The following TMEM50B variants were observed in gnomAD, a reference collection of about 807,000 sequenced individuals.
TMEM50B encodes the protein transmembrane protein 50B, also known as HCV p7-trans-regulated protein 3.
In TMEM50B, 14 loss-of-function variants were observed where a neutral mutation model predicts 23.4. The observed-to-expected ratio is 0.60, with a 90% CI of 0.39 to 0.93. TMEM50B has a LOEUF of 0.93. TMEM50B is among the 40% of genes least tolerant of loss of function. The pLI, the probability that TMEM50B is intolerant of heterozygous loss-of-function variation, is 0.00. For synonymous variants in TMEM50B, 64 were observed against 62.3 expected, an observed-to-expected ratio of 1.03 and a Z score of -0.13; for missense variants, 159 against 193.0, an observed-to-expected ratio of 0.82 and a Z score of 1.04.
intron 1 of TMEM50B, among the ~76,000 whole-genome samples, chr21:33,473,270 T>C (rs1195092190): frequency 1.3e-5 from 2 of 151,824 alleles, no homozygotes; most frequent in Non-Finnish European, 2.9e-5. Context: ...CTGGGCAACA[T>C]GGAGAAACCC....
rs200509930 is a variant in TMEM50B, at chr21:33,442,649, G to A, written c.*2037-3352C>T. Among the ~76,000 whole-genome samples the A allele has an allele frequency of 7.2e-5, 11 of 152,106 alleles. No homozygotes were observed. The East Asian group carries it at 1.7e-3, about 24-fold the overall frequency. On this transcript the variant is annotated intron_variant and NMD_transcript_variant, in intron 7 of 8. Coordinates refer to the TMEM50B transcript ENST00000420455. ...CATCAAATGATATGTGGCCAGGCGC[G>A]CTGGCTCATGCCTGTAATCCCAGCA...
intron 1 of TMEM50B, chr21:33,479,229 C>G (rs1327478695): frequency 6.1e-6 from 1 of 163,670 alleles, no homozygotes; most frequent in Admixed American, 6.2e-5. Flanking sequence ...TCTGCTGCTA[C>G]TTATTTAACG....
At chr21:33,468,175 A>C (rs1223361219) in intron 2 of TMEM50B, among the ~76,000 whole-genome samples, 4 of 150,912 alleles carry the variant, frequency 2.7e-5, no homozygotes, top group African/African-American at 9.7e-5. Flanking sequence ...GACACATGGG[A>C]TAAAGGAGGT....
chr21:33,478,685 C>G (rs751856418), intron 1 of TMEM50B: 3 of 450,098 alleles, frequency 6.7e-6, no homozygotes, highest in African/African-American at 4.1e-5. Context: ...TTTTCCAGCG[C>G]GATAAATATT....
intron 1 of TMEM50B, among the ~76,000 whole-genome samples, chr21:33,473,676 G>A (rs1179833027): frequency 6.7e-6 from 1 of 148,878 alleles, no homozygotes; most frequent in African/African-American, 2.4e-5. Context: ...AAAACAAGAA[G>A]GTGACAGCAA....
At chr21:33,435,882 C>A (rs1184597446) in intron 8 of TMEM50B, among the ~76,000 whole-genome samples, 37 of 48,242 alleles carry the variant, frequency 7.7e-4, no homozygotes, top group Admixed American at 1.6e-3. Context: ...GACTCCGTCT[C>A]AAAAAAAAAA....
At chr21:33,466,922 TAAA>T (rs1324048642) in intron 3 of TMEM50B, 85 bp downstream of exon 3, 2 of 988,810 alleles carry the variant, frequency 2.0e-6, no homozygotes, top group Non-Finnish European at 3.0e-6. Context: ...TCAAATAAAT[TAAA>T]AAGTTATTCA....
intron 1 of TMEM50B, chr21:33,478,735 G>A (rs1568990617): frequency 2.1e-6 from 1 of 468,638 alleles, no homozygotes. Flanking sequence ...ACAAAGTCTT[G>A]CACCACTATC....
chr21:33,468,993 C>T, intron 1 of TMEM50B, 67 bp from the exon 2 acceptor site: 1 of 812,336 alleles, frequency 1.2e-6, no homozygotes. Context: ...ATACCTTACT[C>T]CTTTCTTAAA....
chr21:33,444,862 G>A (rs572045217), downstream of TMEM50B, among the ~76,000 whole-genome samples: 175 of 151,360 alleles, frequency 1.2e-3, no homozygotes, highest in Middle Eastern at 6.8e-3. Flanking sequence ...TGGGTGCAGT[G>A]GTTCATACCT....
intron 1 of TMEM50B, among the ~76,000 whole-genome samples, chr21:33,476,029 T>C (rs2084366871): frequency 6.6e-6 from 1 of 152,214 alleles, no homozygotes; most frequent in African/African-American, 2.4e-5. Context: ...CACTTCGTGG[T>C]AAGAAGAGTA....
rs2084111625 is a variant in TMEM50B at position 33,450,715 on chromosome 21, ATT to A, written c.*101_*102del. ...ACATAAAAATGTAAAGAAACAAAAC[ATT>A]TAATGTACAATCTACTCCATTTGGC... On this transcript the variant is annotated 3_prime_UTR_variant, in exon 7 of 7. Coordinates refer to ENST00000542230, the MANE Select transcript of TMEM50B (RefSeq NM_006134.7). The A allele has an allele frequency of 4.7e-6, 4 of 843,210 alleles. No individual in the cohort carries two copies. Among genetic ancestry groups the A allele is most frequent in the African/African-American group, 1.7e-5 (1 of 58,836 alleles). The allele number at this position is 843,210 out of a possible 1,614,324, so 52.2% of individuals were successfully genotyped here.
rs570914494 is a variant in TMEM50B at position 33,472,683 on chromosome 21, C to T, written c.-41-3757G>A. On this transcript the variant is annotated intron_variant, in intron 1 of 6. Transcript: ENST00000542230. ...CCTGAGGTCAGGAGTTCGAGACCAG[C>T]CTGGCCAACATGGTGAAACCCCGTC... 1.6e-4 allele frequency among the ~76,000 whole-genome samples: 24 copies of T among 152,000 alleles called. No homozygotes were observed. In the South Asian group the frequency reaches 3.5e-3, roughly 22 times the overall value.
In TMEM50B at chr21:33,455,656, T is replaced by C. The variant is rs2084162082; in HGVS notation, c.431+71A>G. 6.3e-6 allele frequency: 8 copies of C among 1,265,250 alleles called. No individual in the cohort carries two copies. The South Asian group carries it at 9.6e-5, about 15-fold the overall frequency. The allele number at this position is 1,265,250 out of a possible 1,614,324, so 78.4% of individuals were successfully genotyped here. ...CCATGGGATTTATATGTGTTCCATA[T>C]ATATGCTGCCTTAATTAAGTTGACA... is the stretch of plus-strand genomic sequence containing the variant. On this transcript the variant is annotated intron_variant, in intron 6 of 6. Transcript: ENST00000542230.
At chr21:33,442,294 G>C (rs774098660) in intron 7 of TMEM50B, among the ~76,000 whole-genome samples, 1 of 152,234 alleles carries the variant, frequency 6.6e-6, no homozygotes, top group Non-Finnish European at 1.5e-5. Flanking sequence ...GGAATGAAGT[G>C]AAAGTGACGT....
intron 4 of TMEM50B, among the ~76,000 whole-genome samples, chr21:33,464,084 G>C (rs1256622060): frequency 6.6e-6 from 1 of 152,130 alleles, no homozygotes; most frequent in African/African-American, 2.4e-5. Context: ...AAAAGCATGG[G>C]CTCTGGAGCC....
At chr21:33,467,798 CATTTT>C (rs577389349) in intron 2 of TMEM50B, among the ~76,000 whole-genome samples, 67 of 152,244 alleles carry the variant, frequency 4.4e-4, no homozygotes, top group African/African-American at 1.5e-3. Flanking sequence ...TGCTTCATTT[CATTTT>C]GTTTTTCTAT....
chr21:33,448,480 A>C (rs763580341), downstream of TMEM50B, among the ~76,000 whole-genome samples: 1 of 151,690 alleles, frequency 6.6e-6, no homozygotes, highest in Non-Finnish European at 1.5e-5. Context: ...CTCTACAAAA[A>C]ACAACTTTTT....
chr21:33,444,391 T>C (rs2084034372), downstream of TMEM50B, among the ~76,000 whole-genome samples: 1 of 151,770 alleles, frequency 6.6e-6, no homozygotes, highest in Non-Finnish European at 1.5e-5. Flanking sequence ...CTACAAAAAA[T>C]ACAATTAGCC....
Sources: gnomAD v4.1 joint callset for allele counts (sites outside exome capture counted in the v4.1 genomes callset) on GRCh38, gnomAD v4.1.1 for gene constraint, MANE v1.5 for transcripts, NCBI Gene and HGNC (gene_info 2026-07-23, HGNC 2026-07-21) for gene names.